Variants in ARMC8 observed in about 807,000 individuals in gnomAD.
ARMC8 encodes armadillo repeat containing 8.
Under a neutral mutation model 99.3 loss-of-function variants are expected in ARMC8, and 20 were observed. That is an observed-to-expected ratio of 0.20 (90% CI 0.14 to 0.29). The LOEUF is 0.29. ARMC8 is among the 10% of genes least tolerant of loss of function. The probability of loss-of-function intolerance (pLI) is 1.00; values close to 1 mark genes in which losing one functional copy is unlikely to be tolerated. For synonymous variants in ARMC8, 263 were observed against 278.3 expected (o/e 0.95, Z 0.55); for missense variants, 569 against 809.5 (o/e 0.70, Z 3.60).
chr3:138,239,371 G>C, intron 9 of ARMC8, 97 bp from the exon 10 acceptor site: 1 of 836,290 alleles, frequency 1.2e-6, no homozygotes. Flanking sequence ...GATATTATTT[G>C]GTTTTCGATT....
chr3:138,199,729 A>C (rs1001155692), intron 1 of ARMC8, among the ~76,000 whole-genome samples: 1 of 152,216 alleles, frequency 6.6e-6, no homozygotes, highest in African/African-American at 2.4e-5. Flanking sequence ...GCTGCTTTTA[A>C]AGTATTGGTG....
intron 18 of ARMC8, among the ~76,000 whole-genome samples, chr3:138,278,298 G>A (rs2049508560): frequency 6.6e-6 from 1 of 152,126 alleles, no homozygotes; most frequent in African/African-American, 2.4e-5. Flanking sequence ...CTTGAGGTCA[G>A]AAGTTCAGGA....
At chr3:138,286,063 C>T (rs1482450252) in intron 19 of ARMC8, among the ~76,000 whole-genome samples, 1 of 152,168 alleles carries the variant, frequency 6.6e-6, no homozygotes. Flanking sequence ...CCTGCCTCAG[C>T]CTCCTGAGTA....
chr3:138,286,082 T>C (rs984665987), intron 19 of ARMC8, among the ~76,000 whole-genome samples: 1 of 152,138 alleles, frequency 6.6e-6, no homozygotes, highest in Non-Finnish European at 1.5e-5. Context: ...TAGCTGGGAT[T>C]ACAGGCGCGG....
intron 17 of ARMC8, among the ~76,000 whole-genome samples, chr3:138,274,245 G>A (rs1047152576): frequency 1.3e-5 from 2 of 152,018 alleles, no homozygotes; most frequent in African/African-American, 4.8e-5. Context: ...GTGTGTGTGT[G>A]TGTGTGTGTG....
intron 18 of ARMC8, among the ~76,000 whole-genome samples, chr3:138,275,403 C>A (rs565064813): frequency 1.2e-4 from 19 of 152,038 alleles, no homozygotes; most frequent in African/African-American, 4.1e-4. Flanking sequence ...TAAAAAAATA[C>A]AAAAAATTAG....
intron 12 of ARMC8, among the ~76,000 whole-genome samples, chr3:138,260,974 A>G (rs1275274758): frequency 6.6e-6 from 1 of 152,204 alleles, no homozygotes; most frequent in African/African-American, 2.4e-5. Flanking sequence ...CCCAAGCCAG[A>G]AGGATCTTTC....
intron 19 of ARMC8, among the ~76,000 whole-genome samples, chr3:138,287,117 A>G (rs945902475): frequency 2.0e-5 from 3 of 152,114 alleles, no homozygotes; most frequent in Non-Finnish European, 4.4e-5. Flanking sequence ...TGTCACTCCA[A>G]TCCCTTCAGC....
At chr3:138,223,362 T>C in intron 3 of ARMC8, 27 bp from the exon 4 acceptor site, 1 of 1,609,514 alleles carries the variant, frequency 6.2e-7, no homozygotes. Flanking sequence ...TTTTAGTCTC[T>C]TCGTTTATTA....
chr3:138,260,014 A>G (rs966235708), intron 12 of ARMC8, among the ~76,000 whole-genome samples: 1 of 152,132 alleles, frequency 6.6e-6, no homozygotes, highest in South Asian at 2.1e-4. Flanking sequence ...CACTTAAATT[A>G]TGTTTGCTTA....
intron 21 of ARMC8, among the ~76,000 whole-genome samples, chr3:138,295,607 G>A (rs530312527): frequency 1.3e-3 from 202 of 152,332 alleles, no homozygotes; most frequent in Non-Finnish European, 1.8e-3. Flanking sequence ...ATGTCACTGA[G>A]CTGCAGCAGG....
At chr3:138,273,779 C>G (rs767776798) in intron 17 of ARMC8, among the ~76,000 whole-genome samples, 11 of 151,582 alleles carry the variant, frequency 7.3e-5, no homozygotes, top group Admixed American at 1.3e-4. Context: ...TTCCATGTCT[C>G]TGGCTTCCCC....
intron 5 of ARMC8, among the ~76,000 whole-genome samples, chr3:138,225,109 CTTTTT>C (rs34843565): frequency 3.5e-5 from 4 of 113,582 alleles, no homozygotes; most frequent in African/African-American, 6.6e-5. Flanking sequence ...TTTCTTCTGG[CTTTTT>C]TTTTTTTTTT....
At chr3:138,243,708 C>G (rs766747818) in intron 11 of ARMC8, among the ~76,000 whole-genome samples, 5 of 151,976 alleles carry the variant, frequency 3.3e-5, no homozygotes, top group Non-Finnish European at 7.4e-5. Flanking sequence ...GTTATATTAC[C>G]CAACTGAATT....
intron 2 of ARMC8, among the ~76,000 whole-genome samples, chr3:138,221,182 T>G (rs947331975): frequency 6.6e-6 from 1 of 152,228 alleles, no homozygotes; most frequent in Non-Finnish European, 1.5e-5. Flanking sequence ...TAAAAAATAC[T>G]GTGAATATCT....
chr3:138,211,077 G>A (rs2044668126), intron 2 of ARMC8, among the ~76,000 whole-genome samples: 1 of 152,070 alleles, frequency 6.6e-6, no homozygotes, highest in African/African-American at 2.4e-5. Context: ...TTTTAGACTA[G>A]TTTAATTATT....
intron 2 of ARMC8, among the ~76,000 whole-genome samples, chr3:138,210,820 G>A (rs1017287033): frequency 6.6e-6 from 1 of 151,856 alleles, no homozygotes; most frequent in Admixed American, 6.6e-5. Flanking sequence ...CTCCCCAAAG[G>A]CATTGTAGGC....
At chr3:138,274,339 T>C (rs1358438517) in intron 17 of ARMC8, 110 bp from the exon 18 acceptor site, 1 of 692,790 alleles carries the variant, frequency 1.4e-6, no homozygotes, top group Non-Finnish European at 2.5e-6. Flanking sequence ...TATGCTATAG[T>C]GTTTTGCATG....
intron 11 of ARMC8, among the ~76,000 whole-genome samples, chr3:138,244,079 G>C (rs62280655): frequency 1.3e-5 from 2 of 152,016 alleles, no homozygotes; most frequent in African/African-American, 4.8e-5. Context: ...TAGAAGAGTT[G>C]ATAATTAGTT....
Sources: allele counts gnomAD v4.1 joint callset (sites outside exome capture counted in the v4.1 genomes callset), GRCh38; gene constraint gnomAD v4.1.1; transcripts MANE v1.5; gene names NCBI Gene and HGNC (gene_info 2026-07-23, HGNC 2026-07-21).